The following FAT3 variants were observed in gnomAD, a reference collection of about 807,000 sequenced individuals.
The protein encoded by FAT3 is FAT atypical cadherin 3.
Under a neutral mutation model 310.2 loss-of-function variants are expected in FAT3, and 95 were observed. That is an observed-to-expected ratio of 0.31 (90% confidence interval 0.26 to 0.36). FAT3 has a LOEUF of 0.36. FAT3 is among the 10% of genes least tolerant of loss of function. FAT3 has a pLI of 1.00. For synonymous variants in FAT3, 2,314 were observed against 2,192.9 expected, an observed-to-expected ratio of 1.06 and a Z score of -1.54; for missense variants, 5,408 against 5,715.6, an observed-to-expected ratio of 0.95 and a Z score of 1.74.
chr11:92,288,587 A>G (rs1369063700), intron 1 of FAT3, among the ~76,000 whole-genome samples: 1 of 152,102 alleles, frequency 6.6e-6, no homozygotes, highest in Non-Finnish European at 1.5e-5. Context: ...GTGTAAATAA[A>G]TGGATGAATG....
intron 4 of FAT3, among the ~76,000 whole-genome samples, chr11:92,742,838 A>G (rs1022043962): frequency 6.6e-6 from 1 of 152,206 alleles, no homozygotes; most frequent in Non-Finnish European, 1.5e-5. Flanking sequence ...TAAGACACCC[A>G]GTGTCTAAAA....
chr11:92,726,524 C>A (rs753038205), intron 4 of FAT3, among the ~76,000 whole-genome samples: 3 of 151,954 alleles, frequency 2.0e-5, no homozygotes, highest in Admixed American at 6.6e-5. Context: ...GATAAAATGC[C>A]TAAAATTCAA....
At chr11:92,598,066 A>G (rs1205377720) in intron 3 of FAT3, among the ~76,000 whole-genome samples, 1 of 151,980 alleles carries the variant, frequency 6.6e-6, no homozygotes, top group Non-Finnish European at 1.5e-5. Flanking sequence ...TGAGAAGAAC[A>G]TGATTTTGTC....
intron 4 of FAT3, among the ~76,000 whole-genome samples, chr11:92,749,319 C>G (rs994899758): frequency 1.3e-5 from 2 of 152,126 alleles, no homozygotes; most frequent in Non-Finnish European, 2.9e-5. Flanking sequence ...TACACACACA[C>G]ACATACACAC....
intron 3 of FAT3, among the ~76,000 whole-genome samples, chr11:92,531,767 T>A (rs1400223092): frequency 6.6e-6 from 1 of 152,102 alleles, no homozygotes; most frequent in Non-Finnish European, 1.5e-5. Context: ...CTTCATTTTT[T>A]TTTTCATATA....
At chr11:92,710,173 GAC>G (rs1349506718) in intron 4 of FAT3, among the ~76,000 whole-genome samples, 1 of 152,168 alleles carries the variant, frequency 6.6e-6, no homozygotes, top group Admixed American at 6.5e-5. Context: ...GCTTCACAAA[GAC>G]AAAGCACTTT....
intron 2 of FAT3, among the ~76,000 whole-genome samples, chr11:92,443,811 G>T (rs1188284890): frequency 1.3e-5 from 2 of 152,116 alleles, no homozygotes; most frequent in African/African-American, 4.8e-5. Flanking sequence ...AGGAGGAGGA[G>T]TGAGGAGGAG....
At chr11:92,458,891 C>T (rs555892580) in intron 2 of FAT3, among the ~76,000 whole-genome samples, 17 of 152,316 alleles carry the variant, frequency 1.1e-4, no homozygotes, top group African/African-American at 3.4e-4. Flanking sequence ...GCAGAATTCA[C>T]TAACCAGCAT....
intron 19 of FAT3, among the ~76,000 whole-genome samples, chr11:92,853,937 G>A (rs1262413884): frequency 6.6e-6 from 1 of 152,164 alleles, no homozygotes; most frequent in African/African-American, 2.4e-5. Flanking sequence ...TGGCTTGAAG[G>A]TGGGGCATCA....
chr11:92,690,157 G>T (rs1943757978), intron 3 of FAT3, among the ~76,000 whole-genome samples: 1 of 152,196 alleles, frequency 6.6e-6, no homozygotes, highest in Non-Finnish European at 1.5e-5. Context: ...AATACTGCCT[G>T]GGATTTCCCT....
At chr11:92,329,172 G>A (rs1947842019) in intron 1 of FAT3, among the ~76,000 whole-genome samples, 1 of 151,314 alleles carries the variant, frequency 6.6e-6, no homozygotes, top group Non-Finnish European at 1.5e-5. Flanking sequence ...ACATGTGGGG[G>A]TGCTATGGTC....
At chr11:92,483,956 C>T (rs955497630) in intron 2 of FAT3, among the ~76,000 whole-genome samples, 7 of 152,204 alleles carry the variant, frequency 4.6e-5, no homozygotes, top group African/African-American at 1.7e-4. Flanking sequence ...AGATTGCCCA[C>T]TAGTTATTAT....
At chr11:92,874,886 G>C (rs906713485) in intron 22 of FAT3, among the ~76,000 whole-genome samples, 2 of 152,102 alleles carry the variant, frequency 1.3e-5, no homozygotes, top group Admixed American at 1.3e-4. Context: ...GCAGCCCCAG[G>C]AGTTGAGATG....
chr11:92,785,439 T>C (rs1180991070), intron 7 of FAT3, among the ~76,000 whole-genome samples: 3 of 152,058 alleles, frequency 2.0e-5, no homozygotes, highest in Non-Finnish European at 2.9e-5. Flanking sequence ...GGTAAAACTA[T>C]CTCTGTTTGC....
intron 22 of FAT3, among the ~76,000 whole-genome samples, chr11:92,880,358 G>T (rs538316931): frequency 6.7e-6 from 1 of 149,926 alleles, no homozygotes; most frequent in South Asian, 2.2e-4. Context: ...AGGTAGCATG[G>T]TATCAATAGT....
At chr11:92,650,151 A>T (rs574029306) in intron 3 of FAT3, among the ~76,000 whole-genome samples, 1 of 151,846 alleles carries the variant, frequency 6.6e-6, no homozygotes, top group Admixed American at 6.6e-5. Flanking sequence ...TATACCTTGC[A>T]TCCTACCAGA....
At chr11:92,235,698 T>C (rs752632935) in intron 1 of FAT3, among the ~76,000 whole-genome samples, 6 of 152,210 alleles carry the variant, frequency 3.9e-5, no homozygotes, top group Non-Finnish European at 8.8e-5. Context: ...TGCAAAGATA[T>C]ATTACTTCTG....
In FAT3 at chr11:92,427,368, C is replaced by T. The variant is rs1052281832; in HGVS notation, c.3292+71964C>T. On this transcript the variant is annotated intron_variant, in intron 2 of 27. Coordinates refer to ENST00000525166, the MANE Select transcript of FAT3 (RefSeq NM_001367949.2). ...ATTTAAATACCCTTTATTTCTTTCCCTTGCCTGATTGCCCTGGCCAGAACT... is the reference window on the plus strand; with the variant it reads ...ATTTAAATACCCTTTATTTCTTTCCTTTGCCTGATTGCCCTGGCCAGAACT... Among the ~76,000 whole-genome samples the T allele has an allele frequency of 2.6e-5, 4 of 152,098 alleles. No homozygotes were observed. In the South Asian group the frequency reaches 6.2e-4, roughly 24 times the overall value.
At chr11:92,821,796 G>T (rs1019752549) in intron 13 of FAT3, among the ~76,000 whole-genome samples, 1 of 152,106 alleles carries the variant, frequency 6.6e-6, no homozygotes, top group Non-Finnish European at 1.5e-5. Context: ...TGAGCAAAGG[G>T]CTCTGGGCTC....
Sources: allele counts gnomAD v4.1 joint callset (sites outside exome capture counted in the v4.1 genomes callset), GRCh38; gene constraint gnomAD v4.1.1; transcripts MANE v1.5; gene names NCBI Gene and HGNC (gene_info 2026-07-23, HGNC 2026-07-21).